IGF2R: variants seen among roughly 807,000 people sequenced by gnomAD.
IGF2R encodes cation-independent mannose-6-phosphate receptor.
Under a neutral mutation model 270.6 loss-of-function variants are expected in IGF2R, and 91 were observed. That is an observed-to-expected ratio of 0.34 (90% CI 0.28 to 0.40). The LOEUF (loss-of-function observed/expected upper bound fraction) is 0.40. Among genes scored for constraint, IGF2R ranks in the 10% least tolerant of loss-of-function variants. The probability of loss-of-function intolerance (pLI) is 1.00; values close to 1 mark genes in which losing one functional copy is unlikely to be tolerated. For synonymous variants in IGF2R, 1,316 were observed against 1,258.9 expected (o/e 1.05, Z -0.96); for missense variants, 2,805 against 3,188.3 (o/e 0.88, Z 2.90).
chr6:160,053,559 A>T (rs1231125152), intron 19 of IGF2R, among the ~76,000 whole-genome samples: 3 of 152,170 alleles, frequency 2.0e-5, no homozygotes, highest in Admixed American at 1.3e-4. Flanking sequence ...CTCTCCATGG[A>T]AATGCTTTGG....
At chr6:159,978,319 C>T (rs1334992291) in intron 1 of IGF2R, among the ~76,000 whole-genome samples, 9 of 151,700 alleles carry the variant, frequency 5.9e-5, no homozygotes. Context: ...TTCCCCCAAA[C>T]AATGAGGAGC....
At position 160,073,824 on chromosome 6, in the gene IGF2R, G is replaced by T. The variant is rs755869795; in HGVS notation, c.5015G>T (p.Gly1672Val). ...TCTCCCCTTATTCATCGCACTGGTG[G>T]TTATGAGGCTTATGATGAGAGTGAG... ...DLSPLIHRTG[G>V]YEAYDESEDD... Residue 1672 changes from glycine to valine, a missense_variant, in exon 35 of 48, where the codon GGT becomes GTT. This residue lies in a region of IGF2R where 1,851 missense variants were observed against 2,207.2 expected (regional missense o/e 0.84). Transcript: ENST00000356956. 2 of 1,614,108 alleles carry T rather than the reference G, an allele frequency of 1.2e-6. No homozygotes were observed. The highest frequency in any genetic ancestry group is 1.7e-6 in the Non-Finnish European group (2 of 1,179,962).
intron 35 of IGF2R, 46 bp downstream of exon 35, chr6:160,074,021 T>C (rs1778803768): frequency 2.1e-6 from 3 of 1,396,256 alleles, no homozygotes; most frequent in Non-Finnish European, 2.0e-6. Context: ...TGCAAGACTT[T>C]TAGTGATAAC....
At chr6:160,077,557 G>A (rs1188402675) in intron 36 of IGF2R, among the ~76,000 whole-genome samples, 3 of 152,206 alleles carry the variant, frequency 2.0e-5, no homozygotes, top group Non-Finnish European at 4.4e-5. Flanking sequence ...TTTTAGAAAT[G>A]AAGCATCTTA....
In IGF2R at chr6:160,045,734, C is replaced by G. The variant is rs1583277306; in HGVS notation, c.1766-11C>G. On this transcript the variant is annotated splice_polypyrimidine_tract_variant and intron_variant, in intron 13 of 47. Coordinates refer to ENST00000356956, the MANE Select transcript of IGF2R (RefSeq NM_000876.4). ...GGATTAGTGATCCCCATCTCTTTTC[C>G]CCATTGACAGGTGATCTGGAAAGTG... is the stretch of plus-strand genomic sequence containing the variant. The G allele has an allele frequency of 1.2e-6, 2 of 1,613,964 alleles. No individual in the cohort carries two copies. Among genetic ancestry groups the G allele is most frequent in the African/African-American group, 1.3e-5 (1 of 75,016 alleles).
chr6:160,037,611 A>G (rs1777856384), intron 10 of IGF2R, among the ~76,000 whole-genome samples: 1 of 152,170 alleles, frequency 6.6e-6, no homozygotes, highest in African/African-American at 2.4e-5. Flanking sequence ...ACCAGTTTAA[A>G]TCTAGTTTGT....
intron 1 of IGF2R, among the ~76,000 whole-genome samples, chr6:159,982,314 T>C (rs1487081889): frequency 6.6e-6 from 1 of 152,232 alleles, no homozygotes; most frequent in African/African-American, 2.4e-5. Context: ...GCTGAAACAC[T>C]GTCTGATACT....
chr6:160,046,172 G>A (rs1360575779), intron 14 of IGF2R, among the ~76,000 whole-genome samples: 4 of 152,164 alleles, frequency 2.6e-5, no homozygotes, highest in Non-Finnish European at 5.9e-5. Context: ...CCTCTCTGAG[G>A]GAGACCTTAC....
intron 19 of IGF2R, among the ~76,000 whole-genome samples, chr6:160,055,079 G>A (rs1237846507): frequency 6.6e-6 from 1 of 152,140 alleles, no homozygotes. Flanking sequence ...GCTCTCTGCG[G>A]GAGGTGTTCT....
chr6:160,025,307 G>A (rs146006844), intron 5 of IGF2R, among the ~76,000 whole-genome samples: 1 of 152,320 alleles, frequency 6.6e-6, no homozygotes, highest in East Asian at 1.9e-4. Flanking sequence ...AACCCAGCTT[G>A]ATGTTCCCCT....
intron 18 of IGF2R, among the ~76,000 whole-genome samples, chr6:160,049,935 C>T (rs1306429767): frequency 1.3e-5 from 2 of 152,106 alleles, no homozygotes; most frequent in East Asian, 3.8e-4. Context: ...AATTCACCTC[C>T]CTAAGGAATT....
At position 160,029,616 on chromosome 6, in the gene IGF2R, G is replaced by A. The variant is rs150423320; in HGVS notation, c.843G>A (p.Ala281=). ...ACTTTTGTGATGGTCACAGCCCTGC[G>A]GTGACTATTACATTTGTTTGCCCGT... The part of the protein sequence containing the change: ...KLDFCDGHSP[A]VTITFVCPSE... Residue 281 remains alanine, a synonymous_variant, in exon 7 of 48, where the codon GCG becomes GCA. Coordinates refer to ENST00000356956, the MANE Select transcript of IGF2R (RefSeq NM_000876.4). 129 of 1,613,898 alleles carry A rather than the reference G, an allele frequency of 8.0e-5. No individual in the cohort carries two copies. The highest frequency in any genetic ancestry group is 1.0e-4 in the Admixed American group (6 of 60,018).
chr6:160,065,186 C>T (rs770887749), intron 29 of IGF2R, among the ~76,000 whole-genome samples: 8 of 152,164 alleles, frequency 5.3e-5, no homozygotes, highest in African/African-American at 9.7e-5. Context: ...GGGCCAGGAG[C>T]GGTGTGGTGA....
intron 6 of IGF2R, among the ~76,000 whole-genome samples, chr6:160,028,736 A>G (rs1777619325): frequency 6.6e-6 from 1 of 152,122 alleles, no homozygotes; most frequent in Non-Finnish European, 1.5e-5. Context: ...AAGACAAAAC[A>G]AAACTTTTGG....
chr6:160,032,756 G>A, intron 8 of IGF2R, 43 bp downstream of exon 8: 1 of 1,600,884 alleles, frequency 6.2e-7, no homozygotes, highest in Non-Finnish European at 8.5e-7. Context: ...TTAGGAAGAA[G>A]GGGATCGAGA....
intron 1 of IGF2R, among the ~76,000 whole-genome samples, chr6:159,979,433 T>A (rs1052716785): frequency 7.2e-5 from 11 of 152,156 alleles, no homozygotes; most frequent in Non-Finnish European, 1.2e-4. Context: ...TGCTCTCTGC[T>A]CTCGAAGCGT....
rs1348651343 is a variant in IGF2R at position 159,998,156 on chromosome 6, T to C, written c.289+6833T>C. On this transcript the variant is annotated intron_variant, in intron 2 of 47. Coordinates refer to ENST00000356956, the MANE Select transcript of IGF2R (RefSeq NM_000876.4). This position sits in a 1 kb window ranked among gnomAD's most constrained non-coding sequence, Gnocchi z 4.1. ...ACTCACAGAGAAAGGCCACAAGTAA[T>C]TCTGTTGGCCAGTGTTATGTAGGTG... Among the ~76,000 whole-genome samples, 1 of 152,254 alleles carries C rather than the reference T, an allele frequency of 6.6e-6. No homozygotes were observed. Among genetic ancestry groups the C allele is most frequent in the Non-Finnish European group, 1.5e-5 (1 of 68,046 alleles).
chr6:159,989,601 A>G (rs1484927893), intron 1 of IGF2R, among the ~76,000 whole-genome samples: 2 of 152,174 alleles, frequency 1.3e-5, no homozygotes, highest in African/African-American at 2.4e-5. Flanking sequence ...AAAATAAAAA[A>G]ATTTTATTTT....
chr6:160,073,765 T>G lies in IGF2R; in HGVS notation c.4956T>G (p.Cys1652Trp), dbSNP rs1299076768. Residue 1652 changes from cysteine to tryptophan, a missense_variant, in exon 35 of 48, where the codon TGT becomes TGG. Coordinates refer to ENST00000356956, the MANE Select transcript of IGF2R (RefSeq NM_000876.4). The part of the protein sequence containing the change: ...TPLACEQATE[C>W]SVRNGSSIVD... ...TCTTTCCTACTTAACAGACCGAATG[T>G]TCCGTGAGGAATGGAAGCTCTATTG... 1 of 1,613,982 alleles carries G rather than the reference T, an allele frequency of 6.2e-7. No homozygotes were observed. Among genetic ancestry groups the G allele is most frequent in the East Asian group, 2.2e-5 (1 of 44,876 alleles).
Sources: gnomAD v4.1 joint callset for allele counts (sites outside exome capture counted in the v4.1 genomes callset) on GRCh38, gnomAD v4.1.1 for gene constraint, gnomAD v4.1.1 regional missense constraint, Gnocchi (gnomAD v3.1) non-coding constraint, MANE v1.5 for transcripts, NCBI Gene and HGNC (gene_info 2026-07-23, HGNC 2026-07-21) for gene names.